The following ZNG1A variants were observed in gnomAD, a reference collection of about 807,000 sequenced individuals.
ZNG1A encodes Zn regulated GTPase metalloprotein activator 1A, also known as zinc-regulated GTPase metalloprotein activator 1A.
chr9:139,529 C>T, the ZNG1A span, among the ~76,000 whole-genome samples: 33,736 of 149,010 alleles, frequency 0.23, 3,911 homozygotes, highest in Admixed American at 0.27. Flanking sequence ...GTTCTTACTA[C>T]AATAAAAAAA....
the ZNG1A span, among the ~76,000 whole-genome samples, chr9:144,551 T>C: frequency 6.6e-6 from 1 of 152,042 alleles, no homozygotes; most frequent in East Asian, 1.9e-4. Context: ...CAATTCAACA[T>C]GGATTAAAGA....
At chr9:144,396 T>C in the ZNG1A span, among the ~76,000 whole-genome samples, 13 of 149,776 alleles carry the variant, frequency 8.7e-5, no homozygotes, top group Non-Finnish European at 1.5e-4. Context: ...ACGCCGCATA[T>C]CTACAACTAT....
chr9:154,407 A>T, the ZNG1A span: 5 of 474,956 alleles, frequency 1.1e-5, no homozygotes, highest in South Asian at 2.3e-4. Flanking sequence ...CATCCTGGGT[A>T]AAGTTAGGGA....
At chr9:138,954 T>G in the ZNG1A span, among the ~76,000 whole-genome samples, 1 of 148,796 alleles carries the variant, frequency 6.7e-6, no homozygotes, top group Non-Finnish European at 1.5e-5. Context: ...ATTAGAACTC[T>G]CAAATGTAGA....
the ZNG1A span, among the ~76,000 whole-genome samples, chr9:163,494 G>A: frequency 1.3e-5 from 2 of 151,828 alleles, no homozygotes; most frequent in Admixed American, 6.6e-5. Context: ...CCACTGTCTG[G>A]GGTTTTTTAA....
chr9:155,267 A>C, the ZNG1A span, among the ~76,000 whole-genome samples: 2 of 150,618 alleles, frequency 1.3e-5, no homozygotes, highest in African/African-American at 4.9e-5. Context: ...TTAATACTAA[A>C]AACTGTATTA....
At chr9:175,965 T>C in the ZNG1A span, among the ~76,000 whole-genome samples, 42 of 150,544 alleles carry the variant, frequency 2.8e-4, 1 homozygote, top group East Asian at 8.1e-3. Context: ...AAATACTTTA[T>C]GTAGACATAA....
At chr9:163,225 T>A in the ZNG1A span, among the ~76,000 whole-genome samples, 1 of 152,032 alleles carries the variant, frequency 6.6e-6, no homozygotes, top group Non-Finnish European at 1.5e-5. Context: ...TAATATATTT[T>A]AAATGAAGGC....
At chr9:140,233 G>T in the ZNG1A span, among the ~76,000 whole-genome samples, 12 of 151,858 alleles carry the variant, frequency 7.9e-5, no homozygotes, top group Non-Finnish European at 5.9e-5. Context: ...CAAAAAGACA[G>T]CAGTAACCTC....
the ZNG1A span, chr9:121,373 A>C: frequency 1.2e-6 from 1 of 800,820 alleles, no homozygotes; most frequent in Non-Finnish European, 2.1e-6. Context: ...GTATATTGGA[A>C]TTCGTAACTA....
chr9:145,624 A>G, the ZNG1A span, among the ~76,000 whole-genome samples: 2 of 151,362 alleles, frequency 1.3e-5, no homozygotes, highest in Non-Finnish European at 2.9e-5. Context: ...GGTGCAGCGC[A>G]CCAGCATGGC....
At chr9:131,391 C>A in the ZNG1A span, among the ~76,000 whole-genome samples, 1 of 150,350 alleles carries the variant, frequency 6.7e-6, no homozygotes, top group Non-Finnish European at 1.5e-5. Context: ...CCATTTTCTA[C>A]TTTTTTGCAA....
the ZNG1A span, among the ~76,000 whole-genome samples, chr9:165,201 G>C: frequency 3.9e-5 from 6 of 152,116 alleles, no homozygotes; most frequent in South Asian, 2.1e-4. Context: ...TAATTAATGA[G>C]GGGGGAAATT....
chr9:161,495 G>A, the ZNG1A span: 21 of 858,544 alleles, frequency 2.4e-5, no homozygotes, highest in East Asian at 6.2e-5. Flanking sequence ...AAATTAACAC[G>A]TTCAGATATG....
the ZNG1A span, among the ~76,000 whole-genome samples, chr9:141,362 C>A: frequency 6.8e-6 from 1 of 147,738 alleles, no homozygotes; most frequent in African/African-American, 2.5e-5. Context: ...ACTCTACAAG[C>A]CAGAAGAGAG....
chr9:170,381 A>G, the ZNG1A span, among the ~76,000 whole-genome samples: 111,007 of 146,410 alleles, frequency 0.76, 42,575 homozygotes, highest in South Asian at 0.81. Context: ...GTGTGTGCGC[A>G]TGTGCATGTG....
At chr9:172,418 G>C in the ZNG1A span, 6 of 390,480 alleles carry the variant, frequency 1.5e-5, no homozygotes, top group East Asian at 4.6e-5. Context: ...ATTAAAAGCA[G>C]AGGAAACTTT....
At chr9:170,214 A>G in the ZNG1A span, among the ~76,000 whole-genome samples, 5 of 151,002 alleles carry the variant, frequency 3.3e-5, no homozygotes, top group South Asian at 1.1e-3. Context: ...CCGATTCAGT[A>G]GATCTGGGTT....
the ZNG1A span, among the ~76,000 whole-genome samples, chr9:133,893 G>A: frequency 4.0e-5 from 6 of 150,226 alleles, no homozygotes; most frequent in South Asian, 2.1e-4. Context: ...CATCGTAACC[G>A]CCACAATAGA....
Sources: allele counts gnomAD v4.1 joint callset (sites outside exome capture counted in the v4.1 genomes callset), GRCh38; gene constraint gnomAD v4.1.1; transcripts MANE v1.5; gene names NCBI Gene and HGNC (gene_info 2026-07-23, HGNC 2026-07-21).